SBNO1: variants seen among roughly 807,000 people sequenced by gnomAD.
The protein encoded by SBNO1 is strawberry notch homolog 1, also known as protein strawberry notch homolog 1.
A neutral mutation model predicts 173.6 loss-of-function variants in SBNO1; 23 were observed. That is an observed-to-expected ratio of 0.13 (90% confidence interval 0.10 to 0.19). The LOEUF (loss-of-function observed/expected upper bound fraction) is 0.19, where lower values mean the gene tolerates loss of function less well. Among genes scored for constraint, SBNO1 ranks in the 10% least tolerant of loss-of-function variants. The pLI is 1.00. For synonymous variants in SBNO1, 632 were observed against 571.5 expected (o/e 1.11, Z -1.51); for missense variants, 1,238 against 1,671.2 (o/e 0.74, Z 4.52).
chr12:123,297,806 G>A (rs1593316269), intron 31 of SBNO1, among the ~76,000 whole-genome samples, 172 bp downstream of exon 31: 1 of 152,154 alleles, frequency 6.6e-6, no homozygotes, highest in Non-Finnish European at 1.5e-5. Context: ...AACAATGTCT[G>A]TTTGAAGGCT....
In SBNO1 at chr12:123,290,411, T is replaced by C. The variant is rs978303094; in HGVS notation, c.*5497A>G. ...AATCCTTGAAAGTTATAAAGGAACA[T>C]TTTCTTACAGGTGCAAAATTGTGAA... On this transcript the variant is annotated 3_prime_UTR_variant, in exon 32 of 32. Coordinates refer to ENST00000602398, the MANE Select transcript of SBNO1 (RefSeq NM_001167856.3). 2.0e-5 allele frequency: 3 copies of C among 152,194 alleles called. No homozygotes were observed. Among genetic ancestry groups the C allele is most frequent in the Non-Finnish European group, 4.4e-5 (3 of 68,030 alleles). 9.4% of individuals were successfully genotyped at this position (152,194 alleles called of 1,614,324 possible).
At chr12:123,336,319 AAAAAC>A (rs1376943170) in intron 6 of SBNO1, 71 bp downstream of exon 6, 1 of 987,784 alleles carries the variant, frequency 1.0e-6, no homozygotes, top group African/African-American at 1.7e-5. Flanking sequence ...TTATATGGAA[AAAAAC>A]AAAACAAAAA....
intron 21 of SBNO1, 117 bp downstream of exon 21, chr12:123,317,104 T>C (rs906137811): frequency 6.6e-6 from 7 of 1,064,124 alleles, no homozygotes; most frequent in Middle Eastern, 4.1e-4. Flanking sequence ...TCCCGAAATG[T>C]TGGAATTACA....
chr12:123,338,091 A>G (rs1872070145), intron 5 of SBNO1, among the ~76,000 whole-genome samples: 1 of 152,162 alleles, frequency 6.6e-6, no homozygotes, highest in Admixed American at 6.6e-5. Flanking sequence ...TTTGCCCAAC[A>G]TACCATGTAG....
intron 20 of SBNO1, 51 bp from the exon 21 acceptor site, chr12:123,317,407 G>A (rs369666193): frequency 4.5e-6 from 7 of 1,565,920 alleles, no homozygotes; most frequent in African/African-American, 1.4e-5. Context: ...GAACAAGCAG[G>A]CCAGTGCCTT....
At chr12:123,323,982 G>T in intron 15 of SBNO1, 151 bp from the exon 16 acceptor site, 1 of 523,652 alleles carries the variant, frequency 1.9e-6, no homozygotes, top group Non-Finnish European at 3.0e-6. Flanking sequence ...GCCCAAAGCT[G>T]TCCAACTAAA....
chr12:123,296,759 C>T (rs547572822), intron 31 of SBNO1, among the ~76,000 whole-genome samples: 3 of 152,008 alleles, frequency 2.0e-5, no homozygotes, highest in Non-Finnish European at 4.4e-5. Flanking sequence ...CAGGGTTTCA[C>T]GATGTTGGCC....
chr12:123,356,672 G>A (rs776417677), intron 1 of SBNO1, among the ~76,000 whole-genome samples: 16 of 152,342 alleles, frequency 1.1e-4, no homozygotes, highest in Non-Finnish European at 2.1e-4. Flanking sequence ...TCAAACTCCT[G>A]ACCTCAATTG....
At chr12:123,301,941 GTTTGTT>G (rs1453963131) in intron 30 of SBNO1, among the ~76,000 whole-genome samples, 1 of 146,112 alleles carries the variant, frequency 6.8e-6, no homozygotes, top group Non-Finnish European at 1.5e-5. Flanking sequence ...CGAAAAAGTG[GTTTGTT>G]TTTTTTTTTA....
chr12:123,346,763 C>T (rs186608788), intron 3 of SBNO1, among the ~76,000 whole-genome samples: 45 of 152,044 alleles, frequency 3.0e-4, no homozygotes, highest in African/African-American at 1.0e-3. Context: ...TATATCTTCA[C>T]GTACAAATCT....
chr12:123,350,046 G>A (rs890845894), intron 2 of SBNO1, among the ~76,000 whole-genome samples: 2 of 152,176 alleles, frequency 1.3e-5, no homozygotes, highest in South Asian at 4.1e-4. Context: ...TTGAGCTCAG[G>A]AGTTCAAGAC....
chr12:123,346,334 T>G (rs554091973), intron 3 of SBNO1, among the ~76,000 whole-genome samples: 1 of 152,356 alleles, frequency 6.6e-6, no homozygotes, highest in South Asian at 2.1e-4. Flanking sequence ...TATTTGCTAT[T>G]TCTCCACTAC....
At chr12:123,361,909 G>A (rs1875257966) in intron 1 of SBNO1, among the ~76,000 whole-genome samples, 1 of 152,082 alleles carries the variant, frequency 6.6e-6, no homozygotes, top group South Asian at 2.1e-4. Context: ...GGGAGGCCGA[G>A]GCAGGCGGAT....
rs63621660 is a variant in SBNO1, at chr12:123,313,723, C to CA, written c.3121-5dup. ...TTTCTAAAGCATTTCTTCCATACTGCAAAAAAAAATCAAAACCTTTAACCA... is the reference window on the plus strand; with the variant it reads ...TTTCTAAAGCATTTCTTCCATACTGCAAAAAAAAAATCAAAACCTTTAACCA... On this transcript the variant is annotated splice_polypyrimidine_tract_variant and splice_region_variant and intron_variant, in intron 23 of 31. Transcript: ENST00000602398. 714 of 1,530,222 alleles carry CA rather than the reference C, an allele frequency of 4.7e-4. No homozygotes were observed. Among genetic ancestry groups the CA allele is most frequent in the Middle Eastern group, 1.3e-3 (7 of 5,504 alleles). The allele number at this position is 1,530,222 out of a possible 1,614,324, so 94.8% of individuals were successfully genotyped here.
At chr12:123,314,206 G>A (rs1173485961) in intron 23 of SBNO1, among the ~76,000 whole-genome samples, 5 of 151,596 alleles carry the variant, frequency 3.3e-5, no homozygotes, top group Admixed American at 6.6e-5. Flanking sequence ...TTTGCTCATC[G>A]CCCAGGCTGG....
chr12:123,321,231 G>A (rs975903359), intron 17 of SBNO1, among the ~76,000 whole-genome samples: 6 of 152,056 alleles, frequency 3.9e-5, no homozygotes, highest in African/African-American at 1.2e-4. Flanking sequence ...GAGCCACCGC[G>A]CCTGGATGAA....
intron 28 of SBNO1, among the ~76,000 whole-genome samples, chr12:123,307,628 T>C (rs903626303): frequency 6.6e-6 from 1 of 152,006 alleles, no homozygotes; most frequent in East Asian, 1.9e-4. Flanking sequence ...CTCAGCCTTG[T>C]AAAAAAGAAC....
intron 15 of SBNO1, among the ~76,000 whole-genome samples, chr12:123,325,200 T>C (rs1870482980): frequency 6.6e-6 from 1 of 152,196 alleles, no homozygotes; most frequent in Admixed American, 6.5e-5. Context: ...ACACTAAAAC[T>C]GAATCTAAGC....
At chr12:123,348,979 T>G (rs1216563628) in intron 2 of SBNO1, 1 of 131,582 alleles carries the variant, frequency 7.6e-6, no homozygotes, top group Non-Finnish European at 1.5e-5. Context: ...AAATTTTTTT[T>G]AGTCTTTTTT....
Sources: gnomAD v4.1 joint callset for allele counts (sites outside exome capture counted in the v4.1 genomes callset) on GRCh38, gnomAD v4.1.1 for gene constraint, MANE v1.5 for transcripts, NCBI Gene and HGNC (gene_info 2026-07-23, HGNC 2026-07-21) for gene names.